The following EHMT1 variants were observed in gnomAD, a reference collection of about 807,000 sequenced individuals.
EHMT1 encodes euchromatic histone lysine methyltransferase 1.
In EHMT1, 15 loss-of-function variants were observed where a neutral mutation model predicts 147.2. That is an observed-to-expected ratio of 0.10 (90% CI 0.07 to 0.16). EHMT1 has a LOEUF of 0.16. EHMT1 is among the 10% of genes least tolerant of loss of function. EHMT1 has a pLI of 1.00. For missense variants in EHMT1, 1,587 were observed against 1,772.4 expected, an observed-to-expected ratio of 0.90 and a Z score of 1.88; for synonymous variants, 795 against 709.6, an observed-to-expected ratio of 1.12 and a Z score of -1.91.
At chr9:137,797,064 T>C (rs12686658) in intron 16 of EHMT1, among the ~76,000 whole-genome samples, 50,176 of 151,718 alleles carry the variant, frequency 0.33, 8,580 homozygotes, top group Admixed American at 0.43. Context: ...GTAAAGGTAT[T>C]GAGATCCGTG....
intron 10 of EHMT1, among the ~76,000 whole-genome samples, chr9:137,770,521 G>A (rs896817399): frequency 6.6e-6 from 1 of 152,178 alleles, no homozygotes; most frequent in Non-Finnish European, 1.5e-5. Flanking sequence ...GATGTGTTGG[G>A]CCAAGTAATT....
At chr9:137,630,976 G>T (rs1329521393) in intron 1 of EHMT1, among the ~76,000 whole-genome samples, 2 of 152,196 alleles carry the variant, frequency 1.3e-5, no homozygotes, top group African/African-American at 4.8e-5. Flanking sequence ...CTGCTGTGTG[G>T]AGAGCGGAAG....
At chr9:137,799,382 C>A in intron 17 of EHMT1, among the ~76,000 whole-genome samples, 1 of 152,192 alleles carries the variant, frequency 6.6e-6, no homozygotes, top group Middle Eastern at 3.2e-3. Flanking sequence ...CCTTGGCACC[C>A]GTCTTCCTTC....
chr9:137,706,571 C>T (rs1377033541), intron 1 of EHMT1, among the ~76,000 whole-genome samples: 1 of 152,198 alleles, frequency 6.6e-6, no homozygotes, highest in African/African-American at 2.4e-5. Flanking sequence ...ACTGCAACCT[C>T]CGCCTCCTGG....
At position 137,756,201 on chromosome 9, in the gene EHMT1, C is replaced by G. The variant is rs112530556; in HGVS notation, c.1370-1679C>G. 5.4e-3 allele frequency among the ~76,000 whole-genome samples: 825 copies of G among 152,318 alleles called. 8 individuals carry two copies. The highest frequency in any genetic ancestry group is 0.017 in the African/African-American group (726 of 41,566). ...CGCGCTTGCCTGTCGGTTCATTTTG[C>G]ACTGATGTTTGAGTGAGCTGTGGCG... On this transcript the variant is annotated intron_variant, in intron 8 of 26. Transcript: ENST00000460843.
At chr9:137,621,926 C>A (rs1321165737) in intron 1 of EHMT1, among the ~76,000 whole-genome samples, 2 of 150,644 alleles carry the variant, frequency 1.3e-5, no homozygotes, top group African/African-American at 4.9e-5. Flanking sequence ...AAAAGCTGTT[C>A]TCATCTCCTG....
At chr9:137,774,362 G>T (rs1435656114) in intron 10 of EHMT1, among the ~76,000 whole-genome samples, 1 of 146,786 alleles carries the variant, frequency 6.8e-6, no homozygotes, top group African/African-American at 2.5e-5. Context: ...GATCTGGTGG[G>T]TGTGGGCACG....
intron 1 of EHMT1, among the ~76,000 whole-genome samples, chr9:137,670,900 C>G (rs1940530000): frequency 6.6e-6 from 1 of 152,194 alleles, no homozygotes; most frequent in Non-Finnish European, 1.5e-5. Flanking sequence ...TGCAGGCTAC[C>G]TTTTCTCTTT....
chr9:137,721,518 C>T (rs1046105305), intron 3 of EHMT1, among the ~76,000 whole-genome samples: 1 of 115,264 alleles, frequency 8.7e-6, no homozygotes, highest in Non-Finnish European at 1.8e-5. Flanking sequence ...CTCACCCTCT[C>T]CCACGCCTCT....
At chr9:137,826,557 C>T (rs1441654635) in intron 25 of EHMT1, among the ~76,000 whole-genome samples, 1 of 152,188 alleles carries the variant, frequency 6.6e-6, no homozygotes, top group East Asian at 1.9e-4. Context: ...GTGCTGGAGG[C>T]CAGAAGTCCA....
chr9:137,783,161 T>A (rs997793941), intron 15 of EHMT1, among the ~76,000 whole-genome samples: 5 of 152,242 alleles, frequency 3.3e-5, no homozygotes, highest in Non-Finnish European at 7.3e-5. Flanking sequence ...CTGTGCCCTT[T>A]CAGTGCAGAA....
intron 10 of EHMT1, among the ~76,000 whole-genome samples, chr9:137,770,001 T>C (rs183210091): frequency 3.9e-5 from 6 of 152,234 alleles, no homozygotes; most frequent in Non-Finnish European, 7.4e-5. Context: ...CACACCTGGC[T>C]AATTTTTGTA....
At chr9:137,650,200 G>C (rs1032799876) in intron 1 of EHMT1, among the ~76,000 whole-genome samples, 1 of 152,252 alleles carries the variant, frequency 6.6e-6, no homozygotes, top group African/African-American at 2.4e-5. Context: ...CCAGGCTCAA[G>C]TGATCCTCCC....
At chr9:137,807,958 G>A (rs573898382) in intron 18 of EHMT1, among the ~76,000 whole-genome samples, 3 of 152,150 alleles carry the variant, frequency 2.0e-5, no homozygotes, top group Non-Finnish European at 4.4e-5. Context: ...GATGTGGGTG[G>A]GTTTTGCAAA....
intron 18 of EHMT1, among the ~76,000 whole-genome samples, chr9:137,810,680 G>A (rs1177939669): frequency 6.6e-6 from 1 of 151,568 alleles, no homozygotes; most frequent in Non-Finnish European, 1.5e-5. Context: ...TTTAAAAGAG[G>A]CCTTTTTTAA....
chr9:137,690,396 C>T (rs1028390033), intron 1 of EHMT1, among the ~76,000 whole-genome samples: 2 of 151,506 alleles, frequency 1.3e-5, no homozygotes, highest in Admixed American at 6.6e-5. Context: ...GTCATCCCAG[C>T]GCTTTGAGAG....
At chr9:137,655,244 T>G (rs1300406022) in intron 1 of EHMT1, among the ~76,000 whole-genome samples, 1 of 152,272 alleles carries the variant, frequency 6.6e-6, no homozygotes, top group South Asian at 2.1e-4. Flanking sequence ...CTCGAACTCC[T>G]GACCTCAGGT....
At chr9:137,810,283 C>T (rs1954351023) in intron 18 of EHMT1, among the ~76,000 whole-genome samples, 1 of 152,250 alleles carries the variant, frequency 6.6e-6, no homozygotes, top group Non-Finnish European at 1.5e-5. Context: ...TCCGATGCCG[C>T]CCTGCGTGAA....
rs984270076 is a variant in EHMT1 at position 137,776,215 on chromosome 9, C to T, written c.1792-403C>T. On this transcript the variant is annotated intron_variant, in intron 11 of 26. Transcript: ENST00000460843. The surrounding 1 kb of genome is among the most constrained non-coding windows in gnomAD (Gnocchi z 4.4). ...CTGGGTCGCCAAACCACATCTGCTG[C>T]GCACTGCTGGGCACTGAGGCAGCTC... 1.1e-4 allele frequency among the ~76,000 whole-genome samples: 16 copies of T among 152,194 alleles called. No homozygotes were observed. Among genetic ancestry groups the T allele is most frequent in the Non-Finnish European group, 1.5e-4 (10 of 68,030 alleles).
Sources: allele counts gnomAD v4.1 joint callset (sites outside exome capture counted in the v4.1 genomes callset), GRCh38; gene constraint gnomAD v4.1.1; non-coding constraint Gnocchi (gnomAD v3.1); transcripts MANE v1.5; gene names NCBI Gene and HGNC (gene_info 2026-07-23, HGNC 2026-07-21).